The following ADAMTS17 variants were observed in gnomAD, a reference collection of about 807,000 sequenced individuals.
ADAMTS17 encodes the protein ADAM metallopeptidase with thrombospondin type 1 motif 17, also known as A disintegrin and metalloproteinase with thrombospondin motifs 17.
A neutral mutation model predicts 141.5 loss-of-function variants in ADAMTS17; 113 were observed. The ratio of observed to expected loss-of-function variants is 0.80; its 90% CI spans 0.69 to 0.93. The LOEUF (loss-of-function observed/expected upper bound fraction) is 0.93. ADAMTS17 is among the 40% of genes least tolerant of loss of function. ADAMTS17 has a pLI of 0.00. For synonymous variants in ADAMTS17, 768 were observed against 630.6 expected, an observed-to-expected ratio of 1.22 and a Z score of -3.27; for missense variants, 1,659 against 1,517.9, an observed-to-expected ratio of 1.09 and a Z score of -1.54.
chr15:100,159,755 G>A (rs2039602816), intron 8 of ADAMTS17, among the ~76,000 whole-genome samples: 2 of 152,222 alleles, frequency 1.3e-5, no homozygotes, highest in Admixed American at 1.3e-4. Context: ...ACAGACCCTG[G>A]AGTCCTAGTC....
intron 18 of ADAMTS17, among the ~76,000 whole-genome samples, chr15:100,001,994 C>CAAAAAAAAAAA (rs71151931): frequency 8.6e-5 from 5 of 58,364 alleles, no homozygotes; most frequent in Admixed American, 2.7e-4. Flanking sequence ...AGGCCAAACC[C>CAAAAAAAAAAA]AAAAAAAAAA....
Position 99,973,521 on chromosome 15 carries a change from C to T in ADAMTS17, c.*881G>A, listed in dbSNP as rs559730861. The T allele has an allele frequency of 4.6e-5, 7 of 152,406 alleles. No homozygotes were observed. The highest frequency in any genetic ancestry group is 8.8e-5 in the Non-Finnish European group (6 of 68,096). 9.4% of individuals were successfully genotyped at this position (152,406 alleles called of 1,614,324 possible). A position where few individuals can be genotyped will look rare whatever the true frequency, so the allele number is the denominator to read the frequency against. On this transcript the variant is annotated 3_prime_UTR_variant, in exon 22 of 22. Transcript: ENST00000268070. ...AAGTGCAGGCCAGAGTGGATGTTCC[C>T]GGAAGGCGGGGCAGGTGCCCATCCG... is the stretch of plus-strand genomic sequence containing the variant.
At chr15:100,166,627 G>A (rs2039962253) in intron 8 of ADAMTS17, among the ~76,000 whole-genome samples, 2 of 152,182 alleles carry the variant, frequency 1.3e-5, no homozygotes, top group Admixed American at 6.5e-5. Flanking sequence ...AAGAGATCAT[G>A]GTTAAAGACC....
rs188738269 is a variant in ADAMTS17 at position 100,009,924 on chromosome 15, C to G, written c.2592-12335G>C. On this transcript the variant is annotated intron_variant, in intron 18 of 21. Coordinates refer to ENST00000268070, the MANE Select transcript of ADAMTS17 (RefSeq NM_139057.4). Reference sequence around the variant, plus strand: ...GAGTTTGATATGGTTTGGCTGTGTCCTCACCTGAATCTCATCTTGAATTGT... The same window carrying G: ...GAGTTTGATATGGTTTGGCTGTGTCGTCACCTGAATCTCATCTTGAATTGT... 1.6e-3 allele frequency among the ~76,000 whole-genome samples: 247 copies of G among 152,340 alleles called. 1 individual carries two copies. Among genetic ancestry groups the G allele is most frequent in the Admixed American group, 0.014 (215 of 15,302 alleles).
intron 3 of ADAMTS17, among the ~76,000 whole-genome samples, chr15:100,290,532 A>G (rs1183830135): frequency 6.6e-6 from 1 of 152,232 alleles, no homozygotes; most frequent in African/African-American, 2.4e-5. Context: ...TGGAACCAGG[A>G]AAGAGCCTGA....
intron 18 of ADAMTS17, among the ~76,000 whole-genome samples, chr15:100,010,777 G>A (rs1202775806): frequency 6.6e-6 from 1 of 152,212 alleles, no homozygotes; most frequent in Non-Finnish European, 1.5e-5. Context: ...GTACAACTGG[G>A]ACTTTACTAG....
At chr15:100,003,333 T>C (rs2060968077) in intron 18 of ADAMTS17, among the ~76,000 whole-genome samples, 1 of 152,024 alleles carries the variant, frequency 6.6e-6, no homozygotes. Flanking sequence ...ATCAGCAGTA[T>C]ACGAGGCTCA....
chr15:99,987,148 G>C (rs1057000808), intron 20 of ADAMTS17, among the ~76,000 whole-genome samples: 5 of 152,188 alleles, frequency 3.3e-5, no homozygotes, highest in African/African-American at 1.2e-4. Context: ...CTCTTGGACT[G>C]GCCCATTCCT....
chr15:100,229,369 A>G (rs1007491296), intron 7 of ADAMTS17, among the ~76,000 whole-genome samples: 20 of 151,606 alleles, frequency 1.3e-4, no homozygotes, highest in African/African-American at 4.6e-4. Flanking sequence ...GACGTGAAAC[A>G]TGAGTGTTGC....
chr15:100,292,980 T>C (rs1461424255), intron 3 of ADAMTS17, among the ~76,000 whole-genome samples: 1 of 152,218 alleles, frequency 6.6e-6, no homozygotes, highest in Non-Finnish European at 1.5e-5. Context: ...CAATAGGCAG[T>C]ATTGTCGACA....
chr15:100,328,154 G>C (rs1567542340), intron 3 of ADAMTS17, among the ~76,000 whole-genome samples: 1 of 152,200 alleles, frequency 6.6e-6, no homozygotes, highest in Non-Finnish European at 1.5e-5. Context: ...CCATGGGAAA[G>C]CTTGGATTAA....
At chr15:100,119,699 T>G (rs954465514) in intron 12 of ADAMTS17, among the ~76,000 whole-genome samples, 4 of 152,234 alleles carry the variant, frequency 2.6e-5, no homozygotes, top group African/African-American at 9.6e-5. Flanking sequence ...GCGGAGCACA[T>G]GGGATACCAC....
At chr15:100,189,801 G>A (rs916793235) in intron 8 of ADAMTS17, among the ~76,000 whole-genome samples, 1 of 152,200 alleles carries the variant, frequency 6.6e-6, no homozygotes, top group African/African-American at 2.4e-5. Flanking sequence ...TTTCTCTTTA[G>A]CAATCCACCC....
chr15:100,294,297 T>C (rs544339299), intron 3 of ADAMTS17, among the ~76,000 whole-genome samples: 2 of 152,290 alleles, frequency 1.3e-5, no homozygotes, highest in South Asian at 4.1e-4. Context: ...TGAATGGTCA[T>C]ATTCTCCAGC....
In ADAMTS17 at chr15:100,021,527, C is replaced by T. The variant is rs139025182; in HGVS notation, c.2592-23938G>A. ...TCCCTTCCAAGTAACCTATGCTTCT[C>T]TGCCACAGCTCCAGTCTGAAACTTT... On this transcript the variant is annotated intron_variant, in intron 18 of 21. Transcript: ENST00000268070. Among the ~76,000 whole-genome samples, 52 of 152,340 alleles carry T rather than the reference C, an allele frequency of 3.4e-4. 1 individual carries two copies. The highest frequency in any genetic ancestry group is 1.2e-3 in the African/African-American group (50 of 41,582).
In ADAMTS17 at chr15:99,993,116, G is replaced by A; in HGVS notation, c.2881C>T (p.Pro961Ser). 1.2e-6 allele frequency: 2 copies of A among 1,614,134 alleles called. No individual in the cohort carries two copies. The highest frequency in any genetic ancestry group is 1.1e-5 in the South Asian group (1 of 91,080). The change falls in exon 20 of 22, where the codon CCG becomes TCG. Residue 961 changes from proline to serine, a missense_variant. Transcript: ENST00000268070. This position sits in a 1 kb window ranked among gnomAD's most constrained non-coding sequence, Gnocchi z 4.3. ...TCCTCGCAGGCCTCCTCGGCTCTCG[G>A]CCTCGTGGATGCGTCGCATTTCCCT... is the stretch of plus-strand genomic sequence containing the variant. ...SQGKCDASTR[P>S]RAEEACEDYS...
chr15:100,299,513 GA>G (rs879384077), intron 3 of ADAMTS17, among the ~76,000 whole-genome samples: 4,969 of 87,494 alleles, frequency 0.057, 155 homozygotes, highest in African/African-American at 0.15. Flanking sequence ...TGATGGAAAA[GA>G]AAAAAAAAAA....
chr15:100,206,059 G>C (rs7177577), intron 7 of ADAMTS17, among the ~76,000 whole-genome samples: 5 of 152,076 alleles, frequency 3.3e-5, no homozygotes, highest in East Asian at 1.9e-4. Flanking sequence ...CATTCTGACC[G>C]CTCTCTCGGC....
intron 4 of ADAMTS17, among the ~76,000 whole-genome samples, chr15:100,268,980 A>G (rs1596402636): frequency 7.1e-6 from 1 of 140,002 alleles, no homozygotes; most frequent in Non-Finnish European, 1.6e-5. Context: ...ATGCCACATC[A>G]TACCTACAAC....
Sources: allele counts gnomAD v4.1 joint callset (sites outside exome capture counted in the v4.1 genomes callset), GRCh38; gene constraint gnomAD v4.1.1; non-coding constraint Gnocchi (gnomAD v3.1); transcripts MANE v1.5; gene names NCBI Gene and HGNC (gene_info 2026-07-23, HGNC 2026-07-21).